Variants in FLT1 observed in about 807,000 individuals in gnomAD.
FLT1 encodes the protein fms related receptor tyrosine kinase 1.
Under a neutral mutation model 156.3 loss-of-function variants are expected in FLT1, and 49 were observed. The ratio of observed to expected loss-of-function variants is 0.31; its 90% CI spans 0.25 to 0.40. The LOEUF is 0.40. Ranked by LOEUF, FLT1 falls within the 10% of genes least tolerant of loss-of-function variation. The probability of loss-of-function intolerance (pLI) is 1.00; values close to 1 mark genes in which losing one functional copy is unlikely to be tolerated. For missense variants in FLT1, 1,322 were observed against 1,637.2 expected, an observed-to-expected ratio of 0.81 and a Z score of 3.32; for synonymous variants, 594 against 583.8, an observed-to-expected ratio of 1.02 and a Z score of -0.25.
chr13:28,389,059 A>T, intron 13 of FLT1: 1 of 1,064,668 alleles, frequency 9.4e-7, no homozygotes, highest in Non-Finnish European at 1.1e-6. Flanking sequence ...CACTGCGATA[A>T]ACCTTTACTA....
At chr13:28,437,935 T>C (rs994315381) in intron 4 of FLT1, among the ~76,000 whole-genome samples, 9 of 152,234 alleles carry the variant, frequency 5.9e-5, no homozygotes, top group African/African-American at 1.9e-4. Flanking sequence ...TTTTCTCACA[T>C]TTGCACACAG....
chr13:28,444,915 G>C (rs1878525853), intron 3 of FLT1, among the ~76,000 whole-genome samples: 1 of 152,040 alleles, frequency 6.6e-6, no homozygotes, highest in African/African-American at 2.4e-5. Flanking sequence ...TGCTTATATT[G>C]ATAAAGAAGA....
At chr13:28,445,725 T>G (rs1878580980) in intron 3 of FLT1, among the ~76,000 whole-genome samples, 1 of 152,084 alleles carries the variant, frequency 6.6e-6, no homozygotes, top group South Asian at 2.1e-4. Flanking sequence ...AGATGGCAAG[T>G]CAATTCTACC....
intron 14 of FLT1, among the ~76,000 whole-genome samples, chr13:28,384,580 C>T (rs375450333): frequency 6.6e-6 from 1 of 152,180 alleles, no homozygotes; most frequent in African/African-American, 2.4e-5. Context: ...CTTTCCCAGC[C>T]GTCATGGTGA....
chr13:28,366,248 C>A (rs376135001), intron 14 of FLT1, among the ~76,000 whole-genome samples: 2 of 152,144 alleles, frequency 1.3e-5, no homozygotes, highest in East Asian at 3.9e-4. Flanking sequence ...TGGGGATAAG[C>A]TTTTATGTTG....
rs771331232 is a variant in FLT1, at chr13:28,319,416, A to G, written c.3286+7T>C. On this transcript the variant is annotated splice_region_variant and intron_variant, in intron 24 of 29. Transcript: ENST00000282397. ...GCTGTTTGATTTCTTCCTTCTCCCA[A>G]ATTTACCTAAGGAGAAGATTTCCCA... 1.3e-6 allele frequency: 2 copies of G among 1,582,838 alleles called. No homozygotes were observed. The highest frequency in any genetic ancestry group is 1.7e-6 in the Non-Finnish European group (2 of 1,151,912).
chr13:28,330,380 A>G (rs1195556620), intron 18 of FLT1, among the ~76,000 whole-genome samples: 1 of 152,180 alleles, frequency 6.6e-6, no homozygotes, highest in Non-Finnish European at 1.5e-5. Flanking sequence ...TTAATATGCA[A>G]GGCATTTAAA....
intron 14 of FLT1, among the ~76,000 whole-genome samples, chr13:28,375,494 G>C (rs1015913217): frequency 6.6e-6 from 1 of 151,936 alleles, no homozygotes; most frequent in Non-Finnish European, 1.5e-5. Context: ...GTTAGTTTTC[G>C]CATGCTGTTA....
At chr13:28,435,739 C>T (rs1444352032) in intron 4 of FLT1, among the ~76,000 whole-genome samples, 1 of 152,168 alleles carries the variant, frequency 6.6e-6, no homozygotes, top group Non-Finnish European at 1.5e-5. Context: ...ATGCCTACAT[C>T]GGAATGTATT....
intron 25 of FLT1, 64 bp from the exon 26 acceptor site, chr13:28,312,162 G>T: frequency 1.0e-6 from 1 of 969,590 alleles, no homozygotes; most frequent in Non-Finnish European, 1.7e-6. Context: ...ATTGCCTTAC[G>T]TACTACAAAG....
At chr13:28,466,716 TA>T (rs1879866364) in intron 3 of FLT1, 186 bp downstream of exon 3, 4 of 683,892 alleles carry the variant, frequency 5.8e-6, no homozygotes, top group Non-Finnish European at 1.1e-5. Context: ...ACATAGTGAC[TA>T]ACTGGGCCTT....
chr13:28,450,541 G>A (rs977803674), intron 3 of FLT1, among the ~76,000 whole-genome samples: 3 of 151,874 alleles, frequency 2.0e-5, no homozygotes, highest in Admixed American at 6.6e-5. Context: ...AGGAGGGAGA[G>A]AGGGAGAAAA....
At chr13:28,330,602 A>G (rs907360093) in intron 18 of FLT1, among the ~76,000 whole-genome samples, 29 of 148,336 alleles carry the variant, frequency 2.0e-4, no homozygotes, top group African/African-American at 6.6e-4. Flanking sequence ...ATATATATAT[A>G]TATATCATAT....
At chr13:28,399,939 C>T (rs745773578) in intron 11 of FLT1, among the ~76,000 whole-genome samples, 41 of 152,312 alleles carry the variant, frequency 2.7e-4, no homozygotes, top group Middle Eastern at 6.8e-3. Context: ...TCCCCAAAAC[C>T]CTGTGAGATG....
Position 28,439,306 on chromosome 13 carries a change from G to A in FLT1, c.389-961C>T, listed in dbSNP as rs1878211805. Among the ~76,000 whole-genome samples the A allele has an allele frequency of 6.6e-6, 1 of 152,176 alleles. No homozygotes were observed. The highest frequency in any genetic ancestry group is 2.4e-5 in the African/African-American group (1 of 41,436). On this transcript the variant is annotated intron_variant, in intron 3 of 29. Coordinates refer to ENST00000282397, the MANE Select transcript of FLT1 (RefSeq NM_002019.4). The surrounding 1 kb of genome is among the most constrained non-coding windows in gnomAD (Gnocchi z 4.1). ...TTGTTCCAGCCTTATATACTAAATG[G>A]AAAGAAGTCCTGTGTGAACTCTCTC...
chr13:28,315,571 AAAAC>A (rs1355618703), intron 25 of FLT1, among the ~76,000 whole-genome samples: 1 of 152,192 alleles, frequency 6.6e-6, no homozygotes, highest in Non-Finnish European at 1.5e-5. Flanking sequence ...AACAAACAAA[AAAAC>A]CCAACTAAAC....
intron 10 of FLT1, among the ~76,000 whole-genome samples, chr13:28,424,785 G>A (rs185765306): frequency 8.6e-4 from 131 of 152,228 alleles, no homozygotes; most frequent in African/African-American, 3.0e-3. Flanking sequence ...CTCTTTTGAT[G>A]ATCATGTATA....
intron 10 of FLT1, among the ~76,000 whole-genome samples, chr13:28,412,426 T>TCC (rs1876352847): frequency 6.7e-6 from 1 of 149,026 alleles, no homozygotes; most frequent in African/African-American, 2.5e-5. Flanking sequence ...TCTCTCTCTC[T>TCC]TTCTTTCTTT....
chr13:28,444,875 A>T (rs146037882), intron 3 of FLT1, among the ~76,000 whole-genome samples: 101 of 152,302 alleles, frequency 6.6e-4, no homozygotes, highest in African/African-American at 2.3e-3. Context: ...AAGCTAAAAC[A>T]GTGTTTAGAG....
Sources: gnomAD v4.1 joint callset for allele counts (sites outside exome capture counted in the v4.1 genomes callset) on GRCh38, gnomAD v4.1.1 for gene constraint, Gnocchi (gnomAD v3.1) non-coding constraint, MANE v1.5 for transcripts, NCBI Gene and HGNC (gene_info 2026-07-23, HGNC 2026-07-21) for gene names.